FAM9B: variants seen among roughly 807,000 people sequenced by gnomAD.
FAM9B encodes protein FAM9B.
FAM9B carries 18 observed loss-of-function variants against 16.6 expected under a neutral mutation model. That is an observed-to-expected ratio of 1.09 (90% CI 0.75 to 1.61). The LOEUF is 1.61. Among genes scored for constraint, FAM9B ranks in the 40% most tolerant of loss-of-function variants. FAM9B has a pLI of 0.00. For missense variants in FAM9B, 155 were observed against 136.0 expected (o/e 1.14, Z -0.70); for synonymous variants, 43 against 42.6 (o/e 1.01, Z -0.03).
At position 9,030,325 on chromosome X, in the gene FAM9B, C is replaced by A. The variant is rs1185316700; in HGVS notation, c.217G>T (p.Asp73Tyr). Residue 73 changes from aspartate (D) to tyrosine (Y), a missense_variant, in exon 5 of 9, where the codon GAT becomes TAT. Physicochemically the swap from Asp to Tyr is radical, Grantham distance 160. Transcript: ENST00000327220. The stretch of plus-strand genomic sequence containing the variant: ...TTCTTTGTTTTGCTGCAAGTTTTAT[C>A]CATTTTCATCCTTTTTCTTTTTGCA... Reference protein sequence around the residue: ...LTAKRKRMKMDKTCSKTKNKS... With the variant: ...LTAKRKRMKMYKTCSKTKNKS... 3 of 1,201,011 alleles carry A rather than the reference C, an allele frequency of 2.5e-6. No individual in the cohort carries two copies. Among genetic ancestry groups the A allele is most frequent in the Non-Finnish European group, 3.4e-6 (3 of 890,395 alleles).
chrX:9,032,553 TG>T (rs149136773), intron 2 of FAM9B, 92 bp from the exon 3 acceptor site: 90,568 of 265,025 alleles, frequency 0.34, 7,851 homozygotes, highest in African/African-American at 0.51. Context: ...TAGACTTTTT[TG>T]GGGGGGGGGG....
chrX:9,025,473 G>T lies in FAM9B; in HGVS notation c.*31+11C>A. 1 of 1,009,396 alleles carries T rather than the reference G, an allele frequency of 9.9e-7. No homozygotes were observed. The highest frequency in any genetic ancestry group is 1.4e-6 in the Non-Finnish European group (1 of 727,183). The allele number at this position is 1,009,396 out of a possible 1,213,427, so 83.2% of individuals were successfully genotyped here. ...ATCCTGAGTTTTTAATATTAAATAT[G>T]CACTACTTACAGTTCTGACATGATT... On this transcript the variant is annotated intron_variant, in intron 8 of 8. Coordinates refer to ENST00000327220, the MANE Select transcript of FAM9B (RefSeq NM_205849.3).
At chrX:9,026,118 G>T (rs1436157095) in intron 7 of FAM9B, among the ~76,000 whole-genome samples, 2 of 111,540 alleles carry the variant, frequency 1.8e-5, no homozygotes, top group African/African-American at 6.5e-5. Context: ...TGTAAAAAAT[G>T]AATACACAAT....
rs1602135273 is a variant in FAM9B, at chrX:9,025,732, T to C, written c.493-149A>G. On this transcript the variant is annotated intron_variant, in intron 7 of 8. Transcript: ENST00000327220. The stretch of plus-strand genomic sequence containing the variant: ...AATAGAAAAAACTATAATCAATACA[T>C]GGAGCTCCAAATACCCAATTAAATT... The C allele has an allele frequency of 7.0e-6, 3 of 425,993 alleles. No individual in the cohort carries two copies. The East Asian group carries it at 1.2e-4, about 17-fold the overall frequency. 35.1% of individuals were successfully genotyped at this position (425,993 alleles called of 1,213,427 possible).
At chrX:9,033,200 G>A (rs1921143738) in intron 1 of FAM9B, 125 bp from the exon 2 acceptor site, 6 of 1,135,910 alleles carry the variant, frequency 5.3e-6, no homozygotes, top group Non-Finnish European at 7.0e-6. Context: ...GGAGCAGGAA[G>A]GGACGGAAAA....
chrX:9,026,633 C>T (rs1029845838), intron 7 of FAM9B, among the ~76,000 whole-genome samples: 1 of 110,793 alleles, frequency 9.0e-6, no homozygotes, highest in African/African-American at 3.3e-5. Context: ...ACTAGGGTAG[C>T]CGCAGTGGGA....
At chrX:9,032,572 G>A (rs1921115759) in intron 2 of FAM9B, 111 bp from the exon 3 acceptor site, 3 of 978,616 alleles carry the variant, frequency 3.1e-6, no homozygotes, top group Non-Finnish European at 4.1e-6. Context: ...GGGGCTCTCT[G>A]CCAATTAAAG....
At chrX:9,032,552 TTGG>T in intron 2 of FAM9B, 91 bp from the exon 3 acceptor site, 1 of 313,754 alleles carries the variant, frequency 3.2e-6, no homozygotes, top group South Asian at 3.7e-5. Flanking sequence ...GTAGACTTTT[TTGG>T]GGGGGGGGGG....
intron 2 of FAM9B, chrX:9,032,683 C>G (rs1410751537): frequency 1.6e-5 from 9 of 548,420 alleles, no homozygotes; most frequent in Non-Finnish European, 2.5e-5. Flanking sequence ...CAACGTACTA[C>G]AGTTCAGACC....
At position 9,027,886 on chromosome X, in the gene FAM9B, T is replaced by C. The variant is rs1920982021; in HGVS notation, c.474A>G (p.Leu158=). 1.7e-6 allele frequency: 2 copies of C among 1,210,249 alleles called. No individual in the cohort carries two copies. Among genetic ancestry groups the C allele is most frequent in the Non-Finnish European group, 2.2e-6 (2 of 894,070 alleles). ...RRERLKEMKL[L]RDQFVKALED... ...AACAGACCTTTACGAATTGGTCACG[T>C]AGCAGCTTCATCTCTTTCAGCCTCT... Residue 158 remains leucine, a synonymous_variant, in exon 7 of 9, where the codon CTA becomes CTG. Transcript: ENST00000327220.
Position 9,025,516 on chromosome X carries a change from T to G in FAM9B, c.560A>C (p.Ter187SerextTer4), listed in dbSNP as rs1218841254. Reference sequence around the variant, plus strand: ...ACATGATTTTATTTAAAAACATGTCTAGTTATCAAGTTCACTGTCTTCATC... The same window carrying G: ...ACATGATTTTATTTAAAAACATGTCGAGTTATCAAGTTCACTGTCTTCATC... ...FSDEDSELDN[*>S] The change falls in exon 8 of 9, where the codon TAG (stop) becomes TCG (serine). Residue 187 changes from the stop codon to serine (S), a stop_lost. Coordinates refer to ENST00000327220, the MANE Select transcript of FAM9B (RefSeq NM_205849.3). The G allele has an allele frequency of 2.5e-6, 3 of 1,197,637 alleles. No individual in the cohort carries two copies. The highest frequency in any genetic ancestry group is 3.4e-6 in the Non-Finnish European group (3 of 886,147).
chrX:9,033,520 G>A (rs1276637375), intron 1 of FAM9B, among the ~76,000 whole-genome samples: 1 of 106,510 alleles, frequency 9.4e-6, no homozygotes, highest in Admixed American at 9.8e-5. Context: ...CCTGTCGGGC[G>A]GCCAGGCAGG....
intron 6 of FAM9B, 80 bp downstream of exon 6, chrX:9,029,227 T>C (rs1322078773): frequency 7.1e-6 from 6 of 842,259 alleles, no homozygotes; most frequent in Non-Finnish European, 8.6e-6. Context: ...TCTTCCTTCT[T>C]TGCTGGATTT....
chrX:9,027,940 C>A lies in FAM9B; in HGVS notation c.420G>T (p.Lys140Asn). Residue 140 changes from lysine (K) to asparagine (N), a missense_variant, in exon 7 of 9, where the codon AAG becomes AAT. Lys to Asn is a moderately conservative substitution (Grantham distance 94). Coordinates refer to ENST00000327220, the MANE Select transcript of FAM9B (RefSeq NM_205849.3). The part of the protein sequence containing the change: ...LIRIFQEQQK[K>N]WQQYRSVRRE... ...TCCTAACACTTCTATATTGTTGCCA[C>A]TTCTTCTGTTGTTCTTGAAATATTC... The A allele has an allele frequency of 8.3e-7, 1 of 1,209,195 alleles. No individual in the cohort carries two copies. Among genetic ancestry groups the A allele is most frequent in the Non-Finnish European group, 1.1e-6 (1 of 893,557 alleles).
rs925293626 is a variant in FAM9B at position 9,024,418 on chromosome X, C to G, written c.*991G>C. 1.8e-5 allele frequency: 2 copies of G among 111,787 alleles called. No homozygotes were observed. Among genetic ancestry groups the G allele is most frequent in the Non-Finnish European group, 3.8e-5 (2 of 53,169 alleles). The allele number at this position is 111,787 out of a possible 1,213,427, so 9.2% of individuals were successfully genotyped here. On this transcript the variant is annotated 3_prime_UTR_variant, in exon 9 of 9. Coordinates refer to ENST00000327220, the MANE Select transcript of FAM9B (RefSeq NM_205849.3). ...GGTATCATTGAATGATGGACCAAAACAAACTAAATAGCATTTTGATGTCTG... is the reference window on the plus strand; with the variant it reads ...GGTATCATTGAATGATGGACCAAAAGAAACTAAATAGCATTTTGATGTCTG...
chrX:9,027,233 T>C (rs769183735), intron 7 of FAM9B, among the ~76,000 whole-genome samples: 50 of 112,051 alleles, frequency 4.5e-4, no homozygotes, highest in African/African-American at 1.5e-3. Context: ...CCATTACTAA[T>C]AATTTTGTAA....
chrX:9,033,681 G>GGCCCCCC, intron 1 of FAM9B, 171 bp downstream of exon 1: 14 of 147,902 alleles, frequency 9.5e-5, no homozygotes, highest in Non-Finnish European at 1.5e-4. Flanking sequence ...CCCTGCCCTG[G>GGCCCCCC]CCCACCCCAG....
intron 7 of FAM9B, among the ~76,000 whole-genome samples, chrX:9,026,415 G>T (rs1346090562): frequency 9.0e-6 from 1 of 111,125 alleles, no homozygotes; most frequent in African/African-American, 3.3e-5. Flanking sequence ...CCTAAGAGGG[G>T]GTCATGTAAA....
intron 1 of FAM9B, 61 bp downstream of exon 1, chrX:9,033,791 C>A: frequency 1.3e-6 from 1 of 750,824 alleles, no homozygotes; most frequent in Non-Finnish European, 1.6e-6. Context: ...CAGCGCTTCA[C>A]ACCCTGGTTC....
Sources: gnomAD v4.1 joint callset for allele counts (sites outside exome capture counted in the v4.1 genomes callset) on GRCh38, gnomAD v4.1.1 for gene constraint, MANE v1.5 for transcripts, NCBI Gene and HGNC (gene_info 2026-07-23, HGNC 2026-07-21) for gene names.